TTC29: variants seen among roughly 807,000 people sequenced by gnomAD.
TTC29 encodes tetratricopeptide repeat domain 29.
A neutral mutation model predicts 58.1 loss-of-function variants in TTC29; 49 were observed. The observed-to-expected ratio is 0.84, with a 90% CI of 0.67 to 1.07. The LOEUF (loss-of-function observed/expected upper bound fraction) is 1.07. Ranked by LOEUF, TTC29 falls within the 50% of genes least tolerant of loss-of-function variation. TTC29 has a pLI of 0.00. For synonymous variants in TTC29, 209 were observed against 196.8 expected, an observed-to-expected ratio of 1.06 and a Z score of -0.52; for missense variants, 582 against 555.6, an observed-to-expected ratio of 1.05 and a Z score of -0.48.
At chr4:146,709,542 A>G (rs1021163820) in intron 11 of TTC29, among the ~76,000 whole-genome samples, 2 of 152,024 alleles carry the variant, frequency 1.3e-5, no homozygotes, top group African/African-American at 2.4e-5. Context: ...AGTTAAATCT[A>G]GTTATCTGCC....
intron 10 of TTC29, among the ~76,000 whole-genome samples, chr4:146,809,134 G>A (rs1373218233): frequency 2.7e-5 from 4 of 149,840 alleles, no homozygotes; most frequent in African/African-American, 4.9e-5. Flanking sequence ...CAAGCAATGG[G>A]GAAAGGATTC....
chr4:146,758,580 T>C (rs1746629471), intron 11 of TTC29, among the ~76,000 whole-genome samples: 1 of 152,090 alleles, frequency 6.6e-6, no homozygotes, highest in African/African-American at 2.4e-5. Flanking sequence ...AGATAGACCA[T>C]AAGATAGGCC....
intron 10 of TTC29, among the ~76,000 whole-genome samples, chr4:146,815,380 T>G (rs1265380536): frequency 6.6e-6 from 1 of 152,154 alleles, no homozygotes; most frequent in African/African-American, 2.4e-5. Flanking sequence ...CTTAAGTGAC[T>G]GGGTGGATGG....
At chr4:146,787,287 C>A (rs1258116675) in intron 11 of TTC29, among the ~76,000 whole-genome samples, 1 of 152,002 alleles carries the variant, frequency 6.6e-6, no homozygotes, top group Non-Finnish European at 1.5e-5. Context: ...ATAGGTGGGA[C>A]AAATGAAAGA....
At chr4:146,774,757 G>A (rs552996469) in intron 11 of TTC29, among the ~76,000 whole-genome samples, 1 of 152,076 alleles carries the variant, frequency 6.6e-6, no homozygotes, top group Admixed American at 6.6e-5. Context: ...GTCGAGTTCA[G>A]GCCCTGAATA....
chr4:146,797,984 A>T (rs1272555789), intron 11 of TTC29, among the ~76,000 whole-genome samples: 1 of 151,418 alleles, frequency 6.6e-6, no homozygotes, highest in African/African-American at 2.4e-5. Context: ...ATTTTTTCAC[A>T]GTATTTCATT....
chr4:146,923,296 T>A (rs918816276), intron 4 of TTC29, among the ~76,000 whole-genome samples: 4 of 151,734 alleles, frequency 2.6e-5, no homozygotes, highest in African/African-American at 9.7e-5. Flanking sequence ...CGTAGCTCAA[T>A]ATCATTATTA....
At chr4:146,894,295 GAT>G (rs1732602517) in intron 6 of TTC29, among the ~76,000 whole-genome samples, 1 of 151,934 alleles carries the variant, frequency 6.6e-6, no homozygotes. Flanking sequence ...GTCCAACAAT[GAT>G]AGACTGGATT....
chr4:146,899,027 C>T (rs187248393), intron 6 of TTC29, among the ~76,000 whole-genome samples: 150 of 152,272 alleles, frequency 9.9e-4, no homozygotes, highest in African/African-American at 3.4e-3. Context: ...GCTGGTGCTT[C>T]CTCAACTATG....
At chr4:146,744,553 C>T (rs911703793) in intron 11 of TTC29, among the ~76,000 whole-genome samples, 1 of 152,126 alleles carries the variant, frequency 6.6e-6, no homozygotes, top group South Asian at 2.1e-4. Context: ...AAGCCGTCTT[C>T]TTCTATACAT....
chr4:146,790,887 TAAAC>T (rs1427300415), intron 11 of TTC29, among the ~76,000 whole-genome samples: 2 of 152,238 alleles, frequency 1.3e-5, no homozygotes, highest in South Asian at 2.1e-4. Flanking sequence ...TATGTACTGG[TAAAC>T]AAATTTTCTG....
chr4:146,720,335 T>C (rs533979358), intron 11 of TTC29, among the ~76,000 whole-genome samples: 14 of 152,254 alleles, frequency 9.2e-5, no homozygotes, highest in African/African-American at 3.1e-4. Flanking sequence ...AGAAATGGTA[T>C]ACTTTTCTTG....
intron 6 of TTC29, among the ~76,000 whole-genome samples, chr4:146,892,866 CACAAGCATTCTTGTACACCAATA>C (rs1732480010): frequency 6.6e-6 from 1 of 152,156 alleles, no homozygotes; most frequent in South Asian, 2.1e-4. Context: ...GTGCAAAAAT[CACAAGCATTCTTGTACACCAATA>C]ACAGACAGAC....
intron 11 of TTC29, among the ~76,000 whole-genome samples, chr4:146,754,159 CAG>C (rs1020057722): frequency 1.3e-5 from 2 of 150,588 alleles, no homozygotes; most frequent in Admixed American, 6.6e-5. Context: ...GAAATTATAA[CAG>C]ATGCCTCAGA....
chr4:146,900,931 A>G (rs931313699), intron 6 of TTC29, among the ~76,000 whole-genome samples: 1 of 152,228 alleles, frequency 6.6e-6, no homozygotes, highest in Non-Finnish European at 1.5e-5. Context: ...CACTTATGAC[A>G]GCTATCTGAA....
At chr4:146,793,021 T>A (rs1378874853) in intron 11 of TTC29, among the ~76,000 whole-genome samples, 1 of 152,176 alleles carries the variant, frequency 6.6e-6, no homozygotes, top group South Asian at 2.1e-4. Context: ...ATAATCAAAC[T>A]TGAATAAATG....
chr4:146,927,263 T>G (rs1735005204), intron 4 of TTC29, among the ~76,000 whole-genome samples: 1 of 152,190 alleles, frequency 6.6e-6, no homozygotes, highest in Admixed American at 6.6e-5. Context: ...TCATTATTTT[T>G]TTCAGATTAG....
Position 146,707,100 on chromosome 4 carries a change from G to GAAGT in TTC29, c.*54_*57dup. ...GTAACATGCTCCTATTACAAGTATT[G>GAAGT]AAGTCTAAGGTGACATGATGGATTT... is the stretch of plus-strand genomic sequence containing the variant. On this transcript the variant is annotated 3_prime_UTR_variant, in exon 13 of 13. Coordinates refer to ENST00000325106, the MANE Select transcript of TTC29 (RefSeq NM_031956.4). 1 of 1,306,150 alleles carries GAAGT rather than the reference G, an allele frequency of 7.7e-7. No individual in the cohort carries two copies. Among genetic ancestry groups the GAAGT allele is most frequent in the South Asian group, 1.5e-5 (1 of 65,538 alleles). 80.9% of individuals were successfully genotyped at this position (1,306,150 alleles called of 1,614,324 possible). A position where few individuals can be genotyped will look rare whatever the true frequency, so the allele number is the denominator to read the frequency against.
chr4:146,899,366 A>G (rs762909651), intron 6 of TTC29, among the ~76,000 whole-genome samples: 1 of 152,198 alleles, frequency 6.6e-6, no homozygotes, highest in Non-Finnish European at 1.5e-5. Context: ...CCTGTGCCCC[A>G]CAGACACAGT....
Sources: allele counts gnomAD v4.1 joint callset (sites outside exome capture counted in the v4.1 genomes callset), GRCh38; gene constraint gnomAD v4.1.1; transcripts MANE v1.5; gene names NCBI Gene and HGNC (gene_info 2026-07-23, HGNC 2026-07-21).